Variants in XXYLT1 observed in about 807,000 individuals in gnomAD.
The protein encoded by XXYLT1 is UDP-xylose:alpha-xyloside alpha-1,3-xylosyltransferase.
XXYLT1 carries 20 observed loss-of-function variants against 28.9 expected under a neutral mutation model. The ratio of observed to expected loss-of-function variants is 0.69; its 90% CI spans 0.49 to 1.00. The LOEUF is 1.00. Among genes scored for constraint, XXYLT1 ranks in the 50% least tolerant of loss-of-function variants. The pLI, the probability that XXYLT1 is intolerant of heterozygous loss-of-function variation, is 0.00. For missense variants in XXYLT1, 542 were observed against 560.1 expected, an observed-to-expected ratio of 0.97 and a Z score of 0.33; for synonymous variants, 257 against 253.8, an observed-to-expected ratio of 1.01 and a Z score of -0.12.
chr3:195,258,510 C>G (rs1181856435), intron 1 of XXYLT1, among the ~76,000 whole-genome samples: 1 of 152,188 alleles, frequency 6.6e-6, no homozygotes, highest in Non-Finnish European at 1.5e-5. Context: ...TGAATTGGAA[C>G]CTTCGAGAAA....
intron 1 of XXYLT1, among the ~76,000 whole-genome samples, chr3:195,250,812 T>G (rs1725222929): frequency 6.6e-6 from 1 of 152,170 alleles, no homozygotes; most frequent in African/African-American, 2.4e-5. Context: ...AGGCAGGGAC[T>G]TTTCACCTGT....
chr3:195,179,989 G>C (rs1721869477), intron 2 of XXYLT1, among the ~76,000 whole-genome samples: 1 of 152,170 alleles, frequency 6.6e-6, no homozygotes, highest in African/African-American at 2.4e-5. Context: ...ACACAGGCAG[G>C]CTCCAGGCCG....
At chr3:195,141,695 C>A (rs960951797) in intron 3 of XXYLT1, among the ~76,000 whole-genome samples, 1 of 152,194 alleles carries the variant, frequency 6.6e-6, no homozygotes, top group African/African-American at 2.4e-5. Context: ...TGCCAGCCAG[C>A]GCCAGCCAGC....
intron 3 of XXYLT1, among the ~76,000 whole-genome samples, chr3:195,154,609 G>A (rs1720461761): frequency 6.6e-6 from 1 of 152,106 alleles, no homozygotes; most frequent in African/African-American, 2.4e-5. Flanking sequence ...CCTCCCAAGG[G>A]CTTGCAGGCC....
intron 2 of XXYLT1, among the ~76,000 whole-genome samples, chr3:195,160,729 C>T (rs1027899603): frequency 6.6e-6 from 1 of 152,198 alleles, no homozygotes; most frequent in Admixed American, 6.5e-5. Context: ...GGCACGGTCC[C>T]CCTGTGCTCC....
At chr3:195,152,095 T>C (rs58381781) in intron 3 of XXYLT1, 37,533 of 152,254 alleles carry the variant, frequency 0.25, 5,380 homozygotes, top group East Asian at 0.58. Context: ...TACGACCGAA[T>C]GCTATTTCCT....
chr3:195,258,617 C>A (rs1160678264), intron 1 of XXYLT1, among the ~76,000 whole-genome samples: 3 of 152,200 alleles, frequency 2.0e-5, no homozygotes, highest in African/African-American at 7.2e-5. Flanking sequence ...GAGCACAGGC[C>A]GGCTAGCACT....
intron 1 of XXYLT1, among the ~76,000 whole-genome samples, chr3:195,241,716 A>C (rs1005151134): frequency 3.9e-5 from 6 of 152,040 alleles, no homozygotes; most frequent in Admixed American, 3.3e-4. Context: ...CCTTCTAGCC[A>C]TTCAGGTATC....
intron 1 of XXYLT1, among the ~76,000 whole-genome samples, chr3:195,261,505 T>C (rs1392483275): frequency 2.0e-5 from 3 of 152,250 alleles, no homozygotes; most frequent in East Asian, 3.9e-4. Context: ...GGAACAAATG[T>C]TGCTACTATT....
chr3:195,210,645 T>C lies in XXYLT1; in HGVS notation c.652+16064A>G, dbSNP rs914181705. On this transcript the variant is annotated intron_variant, in intron 2 of 3. Transcript: ENST00000310380. The surrounding 1 kb of genome is among the most constrained non-coding windows in gnomAD (Gnocchi z 4.8). The stretch of plus-strand genomic sequence containing the variant: ...CTTCTGGCATTAAATTAGTAGAAAA[T>C]GGTCTCTACCACGTTACTATTTTTA... Among the ~76,000 whole-genome samples the C allele has an allele frequency of 2.0e-5, 3 of 152,214 alleles. No homozygotes were observed. Among genetic ancestry groups the C allele is most frequent in the Admixed American group, 1.3e-4 (2 of 15,278 alleles).
At chr3:195,202,323 T>C in intron 2 of XXYLT1, among the ~76,000 whole-genome samples, 1 of 150,456 alleles carries the variant, frequency 6.6e-6, no homozygotes. Flanking sequence ...GATACCAACA[T>C]TGAGAACTAA....
chr3:195,214,338 A>G (rs1242040697), intron 2 of XXYLT1, among the ~76,000 whole-genome samples: 1 of 151,996 alleles, frequency 6.6e-6, no homozygotes, highest in Non-Finnish European at 1.5e-5. Context: ...GGGAGGGAGG[A>G]GGCTCTCCCT....
chr3:195,080,175 T>C (rs991118880), intron 3 of XXYLT1, among the ~76,000 whole-genome samples: 4 of 152,164 alleles, frequency 2.6e-5, no homozygotes, highest in African/African-American at 7.2e-5. Flanking sequence ...GGCAGAAAAG[T>C]TGGCTCCCCA....
chr3:195,193,963 T>C (rs1722524201), intron 2 of XXYLT1, among the ~76,000 whole-genome samples: 1 of 152,198 alleles, frequency 6.6e-6, no homozygotes, highest in South Asian at 2.1e-4. Flanking sequence ...AAAACAAATG[T>C]TGCAGGAGAA....
intron 1 of XXYLT1, among the ~76,000 whole-genome samples, chr3:195,243,401 A>G (rs1724869665): frequency 6.6e-6 from 1 of 151,996 alleles, no homozygotes; most frequent in Non-Finnish European, 1.5e-5. Flanking sequence ...TCTTATTATA[A>G]GAAAATTTCC....
chr3:195,070,458 C>T (rs200549720), intron 3 of XXYLT1, among the ~76,000 whole-genome samples: 91 of 152,122 alleles, frequency 6.0e-4, no homozygotes, highest in Admixed American at 4.2e-3. Flanking sequence ...GCCAAGAAAA[C>T]GGACGCACAG....
At chr3:195,185,055 C>T (rs1722116118) in intron 2 of XXYLT1, among the ~76,000 whole-genome samples, 1 of 141,750 alleles carries the variant, frequency 7.1e-6, no homozygotes, top group Non-Finnish European at 1.5e-5. Context: ...GACCTCACTC[C>T]CATTAAAGAA....
At position 195,180,316 on chromosome 3, in the gene XXYLT1, T is replaced by C; in HGVS notation, c.653-23735A>G. The C allele has an allele frequency of 1.0e-6, 1 of 985,404 alleles. No individual in the cohort carries two copies. The highest frequency in any genetic ancestry group is 1.2e-6 in the Non-Finnish European group (1 of 829,922). 61.0% of individuals were successfully genotyped at this position (985,404 alleles called of 1,614,324 possible). A position where few individuals can be genotyped will look rare whatever the true frequency, so the allele number is the denominator to read the frequency against. ...CCTTCCATCCTGGGGACCCAACTCA[T>C]GAGGGCCCAGAAGGAAGGAGCCACA... On this transcript the variant is annotated intron_variant, in intron 2 of 3. Coordinates refer to ENST00000310380, the MANE Select transcript of XXYLT1 (RefSeq NM_152531.5). This position sits in a 1 kb window ranked among gnomAD's most constrained non-coding sequence, Gnocchi z 5.8.
intron 2 of XXYLT1, among the ~76,000 whole-genome samples, chr3:195,216,423 A>G (rs1723575849): frequency 6.7e-6 from 1 of 148,902 alleles, no homozygotes; most frequent in Non-Finnish European, 1.5e-5. Context: ...AGCAAGACTA[A>G]TAAAGAAAAA....
Sources: allele counts gnomAD v4.1 joint callset (sites outside exome capture counted in the v4.1 genomes callset), GRCh38; gene constraint gnomAD v4.1.1; non-coding constraint Gnocchi (gnomAD v3.1); transcripts MANE v1.5; gene names NCBI Gene and HGNC (gene_info 2026-07-23, HGNC 2026-07-21).